The following LYRM4 variants were observed in gnomAD, a reference collection of about 807,000 sequenced individuals.
LYRM4 encodes the protein LYR motif-containing protein 4.
A neutral mutation model predicts 11.7 loss-of-function variants in LYRM4; 9 were observed. The ratio of observed to expected loss-of-function variants is 0.77; its 90% CI spans 0.46 to 1.34. LYRM4 has a LOEUF of 1.34. Among genes scored for constraint, LYRM4 ranks in the 40% most tolerant of loss-of-function variants. LYRM4 has a pLI of 0.00. For synonymous variants in LYRM4, 42 were observed against 40.4 expected (o/e 1.04, Z -0.15); for missense variants, 133 against 112.5 (o/e 1.18, Z -0.82).
intron 2 of LYRM4, among the ~76,000 whole-genome samples, chr6:5,201,035 T>C (rs775093571): frequency 3.3e-4 from 50 of 152,146 alleles, no homozygotes; most frequent in Non-Finnish European, 2.2e-4. Flanking sequence ...TCATTTTTTG[T>C]GGGGGAGTGA....
the LYRM4 span, chr6:5,085,216 C>A: frequency 2.2e-6 from 1 of 446,844 alleles, no homozygotes; most frequent in Non-Finnish European, 3.9e-6. Flanking sequence ...CCCCGGCCCT[C>A]CCCCGTCGCG....
intron 2 of LYRM4, among the ~76,000 whole-genome samples, chr6:5,210,191 A>C (rs1344126502): frequency 6.6e-6 from 1 of 152,236 alleles, no homozygotes; most frequent in East Asian, 1.9e-4. Context: ...AAAATGGCCA[A>C]GGAAAACCAG....
At chr6:5,207,086 G>C (rs987490787) in intron 2 of LYRM4, among the ~76,000 whole-genome samples, 2 of 152,198 alleles carry the variant, frequency 1.3e-5, no homozygotes, top group Non-Finnish European at 2.9e-5. Flanking sequence ...TACTGAGTAA[G>C]TGTTATTAGG....
intron 2 of LYRM4, among the ~76,000 whole-genome samples, chr6:5,125,265 C>T (rs968609308): frequency 5.3e-5 from 8 of 152,186 alleles, no homozygotes; most frequent in African/African-American, 1.7e-4. Context: ...CTACGGAATC[C>T]TCATTCCCTG....
chr6:5,134,995 CG>C (rs1757006221), intron 2 of LYRM4, among the ~76,000 whole-genome samples: 1 of 130,680 alleles, frequency 7.7e-6, no homozygotes, highest in Non-Finnish European at 1.6e-5. Flanking sequence ...GTGGAGGGTG[CG>C]GATCGCTCCC....
At chr6:5,207,004 C>T (rs150431274) in intron 2 of LYRM4, among the ~76,000 whole-genome samples, 1 of 152,178 alleles carries the variant, frequency 6.6e-6, no homozygotes, top group African/African-American at 2.4e-5. Flanking sequence ...GGTGCTCCTT[C>T]GCCTTTAGTA....
At chr6:5,050,913 CAA>C in the LYRM4 span, among the ~76,000 whole-genome samples, 1 of 152,196 alleles carries the variant, frequency 6.6e-6, no homozygotes, top group African/African-American at 2.4e-5. Context: ...TAAAGATGCT[CAA>C]AGAGCTTGAA....
the LYRM4 span, among the ~76,000 whole-genome samples, chr6:5,060,556 G>C: frequency 6.6e-6 from 1 of 151,326 alleles, no homozygotes; most frequent in Non-Finnish European, 1.5e-5. Context: ...TTGGAATGCA[G>C]TGGTACCATC....
the LYRM4 span, among the ~76,000 whole-genome samples, chr6:5,052,441 C>T: frequency 6.6e-6 from 1 of 152,160 alleles, no homozygotes; most frequent in Non-Finnish European, 1.5e-5. Context: ...TAAATTCAAA[C>T]TACAGTGTAT....
rs1282012058 is a variant in LYRM4, at chr6:5,245,160, A to G, written c.86+15488T>C. Among the ~76,000 whole-genome samples the G allele has an allele frequency of 1.3e-4, 13 of 97,680 alleles. 1 individual carries two copies. The highest frequency in any genetic ancestry group is 2.7e-4 in the Non-Finnish European group (13 of 48,726). The allele number at this position is 97,680 out of a possible 152,430, so 64.1% of individuals were successfully genotyped here. A position where few individuals can be genotyped will look rare whatever the true frequency, so the allele number is the denominator to read the frequency against. ...TATATATATATATATATATATATAT[A>G]TATAAAATAGGTGAATTTCTGGAAC... On this transcript the variant is annotated intron_variant, in intron 1 of 2. Coordinates refer to ENST00000330636, the MANE Select transcript of LYRM4 (RefSeq NM_020408.6).
chr6:5,202,738 C>T (rs1039953204), intron 2 of LYRM4, among the ~76,000 whole-genome samples: 3 of 152,200 alleles, frequency 2.0e-5, no homozygotes, highest in African/African-American at 7.2e-5. Context: ...TAATTAGTTA[C>T]AGCTCTAATT....
chr6:5,244,454 C>T (rs1386071894), intron 1 of LYRM4, among the ~76,000 whole-genome samples: 15 of 152,230 alleles, frequency 9.9e-5, no homozygotes, highest in East Asian at 3.9e-4. Flanking sequence ...CATCCCTGCT[C>T]GTTCCTTAGG....
At chr6:5,094,366 C>T in the LYRM4 span, among the ~76,000 whole-genome samples, 2 of 152,146 alleles carry the variant, frequency 1.3e-5, no homozygotes, top group African/African-American at 4.8e-5. Flanking sequence ...CACCCGTAGT[C>T]CAAGCTACTC....
the LYRM4 span, chr6:5,034,822 C>T: frequency 7.8e-6 from 1 of 127,754 alleles, no homozygotes; most frequent in African/African-American, 3.0e-5. Context: ...AAGAAGTTTA[C>T]AGTCAGGAAC....
At chr6:5,092,810 G>GT in the LYRM4 span, among the ~76,000 whole-genome samples, 1 of 152,316 alleles carries the variant, frequency 6.6e-6, no homozygotes, top group African/African-American at 2.4e-5. Context: ...AGCAGCAGTC[G>GT]TGTTTATGTG....
chr6:5,195,132 C>T (rs959671727), intron 2 of LYRM4, among the ~76,000 whole-genome samples: 4 of 152,124 alleles, frequency 2.6e-5, no homozygotes, highest in African/African-American at 9.7e-5. Context: ...AGTAGAAGTC[C>T]TACCTTTCAT....
the LYRM4 span, among the ~76,000 whole-genome samples, chr6:5,076,491 T>C: frequency 3.9e-5 from 6 of 152,210 alleles, no homozygotes; most frequent in Admixed American, 1.3e-4. Flanking sequence ...ATTATAATAG[T>C]GTCTTCCTGT....
chr6:5,145,295 A>AT, intron 2 of LYRM4, among the ~76,000 whole-genome samples: 1 of 152,162 alleles, frequency 6.6e-6, no homozygotes, highest in Non-Finnish European at 1.5e-5. Context: ...TGAGTGGAGG[A>AT]GCCGGCAGCA....
intron 2 of LYRM4, among the ~76,000 whole-genome samples, chr6:5,163,620 ATTTT>A (rs34561251): frequency 2.2e-5 from 3 of 136,744 alleles, no homozygotes; most frequent in Admixed American, 7.3e-5. Flanking sequence ...GACTGCATTA[ATTTT>A]TTTTTTTTTT....
Sources: allele counts gnomAD v4.1 joint callset (sites outside exome capture counted in the v4.1 genomes callset), GRCh38; gene constraint gnomAD v4.1.1; transcripts MANE v1.5; gene names NCBI Gene and HGNC (gene_info 2026-07-23, HGNC 2026-07-21).